ADGRG4: variants seen among roughly 807,000 people sequenced by gnomAD.
ADGRG4 encodes the protein G protein-coupled receptor 112.
In ADGRG4, 122 loss-of-function variants were observed where a neutral mutation model predicts 126.2. The observed-to-expected ratio is 0.97, with a 90% CI of 0.83 to 1.12. ADGRG4 has a LOEUF of 1.12. ADGRG4 is among the 50% of genes most tolerant of loss of function. The probability of loss-of-function intolerance (pLI) is 0.00; values close to 1 mark genes in which losing one functional copy is unlikely to be tolerated. For synonymous variants in ADGRG4, 943 were observed against 838.7 expected (o/e 1.12, Z -2.15); for missense variants, 2,481 against 2,251.8 (o/e 1.10, Z -2.06).
intron 19 of ADGRG4, among the ~76,000 whole-genome samples, chrX:136,396,366 CATATATATATATATATATATGTATGTAT>C (rs2075347127): frequency 1.1e-5 from 1 of 95,072 alleles, no homozygotes; most frequent in East Asian, 3.1e-4. Context: ...ATTTATTTTA[CATATATATATATATATATATGTATGTAT>C]ATATATATAT....
intron 5 of ADGRG4, among the ~76,000 whole-genome samples, chrX:136,336,292 T>TTC (rs1448290522): frequency 9.0e-6 from 1 of 111,163 alleles, no homozygotes; most frequent in Non-Finnish European, 1.9e-5. Context: ...TTGGTGAATA[T>TTC]TCCATGGGTG....
At chrX:136,339,210 T>C (rs1041055733) in intron 5 of ADGRG4, among the ~76,000 whole-genome samples, 1 of 111,617 alleles carries the variant, frequency 9.0e-6, no homozygotes, top group South Asian at 3.9e-4. Context: ...CCTTGGTGTC[T>C]CTGGGTGAGG....
In ADGRG4 at chrX:136,371,422, A is replaced by G. The variant is rs746271024; in HGVS notation, c.7491A>G (p.Ile2497Met). Residue 2497 changes from isoleucine (I) to methionine (M), a missense_variant, in exon 14 of 26, where the codon ATA (isoleucine) becomes ATG (methionine). Coordinates refer to ENST00000394143, the MANE Select transcript of ADGRG4 (RefSeq NM_153834.4). The stretch of plus-strand genomic sequence containing the variant: ...AGACAAAGATTATTGTTTCTAAAAT[A>G]TCAGATATTTCACAATGTGATGAGA... ...KEETKIIVSK[I>M]SDISQCDEIS... 8.4e-7 allele frequency: 1 copy of G among 1,184,600 alleles called. No homozygotes were observed. The highest frequency in any genetic ancestry group is 1.1e-6 in the Non-Finnish European group (1 of 872,618).
In ADGRG4 at chrX:136,345,041, T is replaced by G; in HGVS notation, c.1335T>G (p.Thr445=). ...TCATTGAATCTACAGCTGCCGGAAC[T>G]GTACCTTGGTTTACAGTGGAAAAGA... ...QEFIESTAAG[T]VPWFTVEKTS... Residue 445 remains threonine (T), a synonymous_variant, in exon 6 of 26, where the codon ACT becomes ACG. Transcript: ENST00000394143. 1 of 1,211,344 alleles carries G rather than the reference T, an allele frequency of 8.3e-7. No homozygotes were observed. Among genetic ancestry groups the G allele is most frequent in the Admixed American group, 2.2e-5 (1 of 45,987 alleles).
At chrX:136,340,059 A>G (rs188871867) in intron 5 of ADGRG4, among the ~76,000 whole-genome samples, 3 of 111,995 alleles carry the variant, frequency 2.7e-5, no homozygotes, top group African/African-American at 9.7e-5. Context: ...AAGATTGATG[A>G]AGCAGAAGTA....
chrX:136,343,601 T>C (rs958994447), intron 5 of ADGRG4, among the ~76,000 whole-genome samples: 5 of 111,470 alleles, frequency 4.5e-5, no homozygotes, highest in Admixed American at 3.8e-4. Flanking sequence ...TGATGTGTAA[T>C]GGAAAGCAAT....
intron 5 of ADGRG4, among the ~76,000 whole-genome samples, chrX:136,334,077 TTTCTTTCTTTCTTTC>T (rs1473970475): frequency 1.5e-3 from 4 of 2,659 alleles, no homozygotes; most frequent in African/African-American, 0.015. Flanking sequence ...GTTCTCTCTC[TTTCTTTCTTTCTTTC>T]TTTCTTTCTT....
intron 4 of ADGRG4, among the ~76,000 whole-genome samples, chrX:136,321,386 T>C (rs2148450168): frequency 9.0e-6 from 1 of 111,425 alleles, no homozygotes; most frequent in African/African-American, 3.3e-5. Flanking sequence ...AAATGTCCAC[T>C]AGAGGAATGG....
chrX:136,380,687 CCTT>C (rs1240458006), intron 15 of ADGRG4, among the ~76,000 whole-genome samples: 1 of 93,544 alleles, frequency 1.1e-5, no homozygotes, highest in African/African-American at 4.0e-5. Flanking sequence ...TCCTCCTCCT[CCTT>C]CTTCTTCTCC....
chrX:136,361,636 A>ACC, intron 12 of ADGRG4, 49 bp downstream of exon 12: 6 of 985,067 alleles, frequency 6.1e-6, no homozygotes, highest in Non-Finnish European at 8.2e-6. Flanking sequence ...ACAAAGATCT[A>ACC]CCTAATTGGG....
intron 12 of ADGRG4, among the ~76,000 whole-genome samples, chrX:136,361,969 C>T (rs753985004): frequency 1.8e-5 from 2 of 111,587 alleles, no homozygotes; most frequent in East Asian, 5.6e-4. Flanking sequence ...TGTAATTTAC[C>T]ATTTCATTCA....
intron 13 of ADGRG4, among the ~76,000 whole-genome samples, chrX:136,368,134 G>A (rs1327694184): frequency 8.9e-5 from 10 of 112,098 alleles, no homozygotes; most frequent in Admixed American, 8.6e-4. Context: ...AACGGCCAAA[G>A]TCACAGATGC....
At chrX:136,370,686 G>T (rs764266419) in intron 13 of ADGRG4, among the ~76,000 whole-genome samples, 1 of 111,705 alleles carries the variant, frequency 9.0e-6, no homozygotes, top group African/African-American at 3.2e-5. Flanking sequence ...GAGAAAATGC[G>T]ATTATCCATT....
intron 4 of ADGRG4, among the ~76,000 whole-genome samples, chrX:136,314,758 A>T (rs2074794458): frequency 8.9e-6 from 1 of 111,895 alleles, no homozygotes; most frequent in African/African-American, 3.2e-5. Flanking sequence ...ATGTAAGCTG[A>T]TGAGCTCAGG....
In ADGRG4 at chrX:136,397,941, A is replaced by G. The variant is rs760562055; in HGVS notation, c.8245A>G (p.Thr2749Ala). The change falls in exon 20 of 26, where the codon ACC becomes GCC. Residue 2749 changes from threonine (T) to alanine (A), a missense_variant. Coordinates refer to ENST00000394143, the MANE Select transcript of ADGRG4 (RefSeq NM_153834.4). The stretch of plus-strand genomic sequence containing the variant: ...ACAGATATTAGCGCTTATAACATAC[A>G]CCGGATGTGGAATCTCCTCCATTTT... Reference protein sequence around the residue: ...NEQILALITYTGCGISSIFLG... With the variant: ...NEQILALITYAGCGISSIFLG... 2 of 1,197,302 alleles carry G rather than the reference A, an allele frequency of 1.7e-6. No homozygotes were observed. The highest frequency in any genetic ancestry group is 2.2e-5 in the Admixed American group (1 of 46,029).
At chrX:136,409,094 G>A (rs1028787946) in intron 23 of ADGRG4, among the ~76,000 whole-genome samples, 1 of 103,987 alleles carries the variant, frequency 9.6e-6, no homozygotes, top group African/African-American at 3.6e-5. Context: ...CACACAACCC[G>A]AATAACCTCC....
chrX:136,319,495 T>C (rs1205934072), intron 4 of ADGRG4, among the ~76,000 whole-genome samples: 2 of 111,928 alleles, frequency 1.8e-5, no homozygotes, highest in Non-Finnish European at 1.9e-5. Flanking sequence ...GAGCTATTTA[T>C]TTAACTTTTA....
At chrX:136,357,225 G>A (rs962266235) in intron 9 of ADGRG4, among the ~76,000 whole-genome samples, 3 of 111,568 alleles carry the variant, frequency 2.7e-5, no homozygotes, top group Non-Finnish European at 5.6e-5. Flanking sequence ...CTGACTATGA[G>A]ACCTTGGGCA....
intron 15 of ADGRG4, among the ~76,000 whole-genome samples, chrX:136,376,995 A>G (rs1349466650): frequency 1.8e-5 from 2 of 110,458 alleles, no homozygotes; most frequent in African/African-American, 3.3e-5. Context: ...TTGAACAGAA[A>G]TGGTAAAAGT....
Sources: gnomAD v4.1 joint callset for allele counts (sites outside exome capture counted in the v4.1 genomes callset) on GRCh38, gnomAD v4.1.1 for gene constraint, MANE v1.5 for transcripts, NCBI Gene and HGNC (gene_info 2026-07-23, HGNC 2026-07-21) for gene names.